Variants in CFAP299 observed in about 807,000 individuals in gnomAD.
CFAP299 encodes cilia and flagella associated protein 299.
Under a neutral mutation model 27.0 loss-of-function variants are expected in CFAP299, and 21 were observed. The observed-to-expected ratio is 0.78, with a 90% CI of 0.55 to 1.12. The LOEUF is 1.12. Ranked by LOEUF, CFAP299 falls within the 50% of genes most tolerant of loss-of-function variation. The probability of loss-of-function intolerance (pLI) is 0.00; values close to 1 mark genes in which losing one functional copy is unlikely to be tolerated. For missense variants in CFAP299, 310 were observed against 276.6 expected (o/e 1.12, Z -0.86); for synonymous variants, 104 against 98.1 (o/e 1.06, Z -0.36).
chr4:80,793,338 T>C (rs1727677962), intron 3 of CFAP299, among the ~76,000 whole-genome samples: 1 of 152,068 alleles, frequency 6.6e-6, no homozygotes, highest in Admixed American at 6.6e-5. Flanking sequence ...GCCTGCTTTA[T>C]ATCCTGGCTA....
At chr4:80,915,863 C>T (rs1735724101) in intron 4 of CFAP299, among the ~76,000 whole-genome samples, 1 of 151,910 alleles carries the variant, frequency 6.6e-6, no homozygotes, top group Admixed American at 6.6e-5. Flanking sequence ...CTCTTCTTAC[C>T]ATATAAATTT....
intron 4 of CFAP299, among the ~76,000 whole-genome samples, chr4:80,928,137 C>T (rs1327690234): frequency 6.6e-6 from 1 of 152,128 alleles, no homozygotes. Context: ...GTTTCTTCAT[C>T]ATAGTTCCAA....
At chr4:80,646,968 TGAGA>T (rs35062478) in intron 3 of CFAP299, among the ~76,000 whole-genome samples, 2,213 of 148,234 alleles carry the variant, frequency 0.015, 49 homozygotes, top group African/African-American at 0.047. Context: ...TCCAATTCTT[TGAGA>T]GAGAGAGAGA....
At chr4:80,720,275 A>T (rs972415718) in intron 3 of CFAP299, among the ~76,000 whole-genome samples, 6 of 152,186 alleles carry the variant, frequency 3.9e-5, no homozygotes, top group Non-Finnish European at 8.8e-5. Flanking sequence ...TATCTGAAAG[A>T]ATGAGACAGA....
At chr4:80,337,227 T>C (rs923886289) in intron 1 of CFAP299, among the ~76,000 whole-genome samples, 1 of 152,206 alleles carries the variant, frequency 6.6e-6, no homozygotes, top group Admixed American at 6.5e-5. Flanking sequence ...AACATCTTGA[T>C]AGACTAAAAT....
At position 80,794,286 on chromosome 4, in the gene CFAP299, C is replaced by T. The variant is rs186500552; in HGVS notation, c.334-75707C>T. Among the ~76,000 whole-genome samples the T allele has an allele frequency of 3.9e-5, 6 of 152,276 alleles. No homozygotes were observed. In the East Asian group the frequency reaches 9.7e-4, roughly 24 times the overall value. ...GGTGGCAGCATTCCTCCTTCTGGAA[C>T]TAAGACCTCTAGGCCAGCAGAATGT... On this transcript the variant is annotated intron_variant, in intron 3 of 5. Transcript: ENST00000358105.
At chr4:80,558,300 G>A (rs1734871335) in intron 2 of CFAP299, among the ~76,000 whole-genome samples, 1 of 148,398 alleles carries the variant, frequency 6.7e-6, no homozygotes, top group African/African-American at 2.5e-5. Flanking sequence ...AATAAATAAT[G>A]TACAATTTCT....
At chr4:80,814,720 A>T (rs1199379587) in intron 3 of CFAP299, among the ~76,000 whole-genome samples, 1 of 143,218 alleles carries the variant, frequency 7.0e-6, no homozygotes, top group Non-Finnish European at 1.5e-5. Flanking sequence ...TTTATGTCTT[A>T]AAAAAAAAAA....
intron 3 of CFAP299, among the ~76,000 whole-genome samples, chr4:80,809,423 A>C (rs1187709326): frequency 2.0e-5 from 3 of 152,172 alleles, no homozygotes; most frequent in Non-Finnish European, 2.9e-5. Flanking sequence ...ATGATGTTTT[A>C]TACTTTTTCT....
chr4:80,692,065 G>A (rs1214207125), intron 3 of CFAP299, among the ~76,000 whole-genome samples: 1 of 152,114 alleles, frequency 6.6e-6, no homozygotes, highest in Non-Finnish European at 1.5e-5. Flanking sequence ...AAATGGAAGA[G>A]CATTCTATGC....
At chr4:80,397,740 G>A (rs1176812449) in intron 2 of CFAP299, among the ~76,000 whole-genome samples, 4 of 152,094 alleles carry the variant, frequency 2.6e-5, no homozygotes, top group Non-Finnish European at 4.4e-5. Context: ...ATACTGAGTG[G>A]GCACAAACTG....
intron 2 of CFAP299, among the ~76,000 whole-genome samples, chr4:80,493,868 CG>C (rs1731285486): frequency 6.9e-6 from 1 of 144,034 alleles, no homozygotes; most frequent in South Asian, 2.4e-4. Context: ...CTCCGCTTCC[CG>C]GGTTCACGCC....
At chr4:80,818,479 T>C (rs1483011672) in intron 3 of CFAP299, among the ~76,000 whole-genome samples, 1 of 152,032 alleles carries the variant, frequency 6.6e-6, no homozygotes, top group Non-Finnish European at 1.5e-5. Context: ...TTGGCTCTGC[T>C]GCTCTATATG....
chr4:80,373,387 G>C (rs1172148124), intron 2 of CFAP299, among the ~76,000 whole-genome samples: 2 of 151,984 alleles, frequency 1.3e-5, no homozygotes, highest in South Asian at 2.1e-4. Context: ...GGTCTCTTTG[G>C]GGGAGAAGAG....
At chr4:80,389,150 TG>T (rs1341210772) in intron 2 of CFAP299, among the ~76,000 whole-genome samples, 2 of 152,222 alleles carry the variant, frequency 1.3e-5, no homozygotes, top group East Asian at 3.8e-4. Flanking sequence ...TAAGCTCAAC[TG>T]GGTCATTTAT....
chr4:80,889,644 T>C (rs567845663), intron 4 of CFAP299, among the ~76,000 whole-genome samples: 75 of 152,160 alleles, frequency 4.9e-4, no homozygotes, highest in African/African-American at 1.7e-3. Context: ...ATTACCCTAA[T>C]ACCAAAACCA....
chr4:80,773,416 T>G (rs1421037177), intron 3 of CFAP299, among the ~76,000 whole-genome samples: 1 of 152,064 alleles, frequency 6.6e-6, no homozygotes, highest in Non-Finnish European at 1.5e-5. Context: ...CCTATCCTAT[T>G]TGGAGGGTAT....
intron 5 of CFAP299, among the ~76,000 whole-genome samples, chr4:80,945,598 G>T (rs1419598243): frequency 1.3e-5 from 2 of 151,880 alleles, no homozygotes; most frequent in Admixed American, 1.3e-4. Context: ...ACTTGTATCG[G>T]TGGGTTTCAT....
chr4:80,650,386 C>T (rs538456949), intron 3 of CFAP299, among the ~76,000 whole-genome samples: 7 of 152,076 alleles, frequency 4.6e-5, no homozygotes, highest in Middle Eastern at 3.4e-3. Context: ...TATATTGATA[C>T]ATCATTTTTC....
Sources: gnomAD v4.1 joint callset for allele counts (sites outside exome capture counted in the v4.1 genomes callset) on GRCh38, gnomAD v4.1.1 for gene constraint, MANE v1.5 for transcripts, NCBI Gene and HGNC (gene_info 2026-07-23, HGNC 2026-07-21) for gene names.